The following DRC3 variants were observed in gnomAD, a reference collection of about 807,000 sequenced individuals.
DRC3 encodes the protein dynein regulatory complex subunit 3.
A neutral mutation model predicts 57.6 loss-of-function variants in DRC3; 45 were observed. That is an observed-to-expected ratio of 0.78 (90% CI 0.62 to 1.00). The LOEUF is 1.00. Ranked by LOEUF, DRC3 falls within the 50% of genes least tolerant of loss-of-function variation. The pLI is 0.00. For missense variants in DRC3, 655 were observed against 675.2 expected (o/e 0.97, Z 0.33); for synonymous variants, 257 against 272.3 (o/e 0.94, Z 0.55).
intron 9 of DRC3, among the ~76,000 whole-genome samples, chr17:18,002,421 A>G (rs1308416898): frequency 6.6e-6 from 1 of 152,210 alleles, no homozygotes; most frequent in Admixed American, 6.5e-5. Context: ...GTGGTAACCC[A>G]GGCCCTTTGC....
chr17:18,005,847 G>T, intron 10 of DRC3: 1 of 310,596 alleles, frequency 3.2e-6, no homozygotes, highest in Non-Finnish European at 6.2e-6. Flanking sequence ...ATGCACAGAT[G>T]TCACTGGGAA....
At chr17:17,998,686 C>A (rs544027493) in intron 9 of DRC3, among the ~76,000 whole-genome samples, 4 of 152,126 alleles carry the variant, frequency 2.6e-5, no homozygotes, top group Non-Finnish European at 5.9e-5. Context: ...GCCTCCCCAA[C>A]GGCCACCCCC....
In DRC3 at chr17:17,977,875, A is replaced by G; in HGVS notation, c.160+117A>G. 3 of 1,038,296 alleles carry G rather than the reference A, an allele frequency of 2.9e-6. No homozygotes were observed. In the South Asian group the frequency reaches 5.0e-5, roughly 17 times the overall value. The allele number at this position is 1,038,296 out of a possible 1,614,324, so 64.3% of individuals were successfully genotyped here. ...CCACGGTCGAGGTTCCCACATCAGC[A>G]TTAGGGCCTACCTGGGTTACAAGGC... On this transcript the variant is annotated intron_variant, in intron 3 of 13. Transcript: ENST00000399187.
At chr17:17,977,348 C>T (rs1344247203) in intron 2 of DRC3, 2 of 509,876 alleles carry the variant, frequency 3.9e-6, no homozygotes, top group South Asian at 2.1e-5. Context: ...CCAGCTGTGG[C>T]TGTAGGGTCA....
intron 9 of DRC3, among the ~76,000 whole-genome samples, chr17:18,000,603 G>C (rs56295638): frequency 3.3e-5 from 5 of 152,156 alleles, no homozygotes; most frequent in Non-Finnish European, 7.3e-5. Flanking sequence ...TTGACCTGCA[G>C]GATGAAGTCC....
chr17:17,983,063 C>T (rs914710047), intron 3 of DRC3, among the ~76,000 whole-genome samples: 2 of 152,206 alleles, frequency 1.3e-5, no homozygotes, highest in African/African-American at 4.8e-5. Flanking sequence ...ACTCTCCTGG[C>T]TGCCAGTGAC....
chr17:17,997,402 C>T (rs1293965150), intron 8 of DRC3, 58 bp from the exon 9 acceptor site: 20 of 1,559,258 alleles, frequency 1.3e-5, no homozygotes, highest in Admixed American at 7.3e-5. Context: ...AACACCTTGG[C>T]CGTGCCCTCC....
intron 10 of DRC3, 48 bp downstream of exon 10, chr17:18,004,542 G>C: frequency 6.3e-7 from 1 of 1,584,632 alleles, no homozygotes; most frequent in South Asian, 1.2e-5. Flanking sequence ...CGATGCAGCT[G>C]CACATCCATA....
In DRC3 at chr17:18,007,157, G is replaced by GCGGGCGGAGCATGTCGGGGC; in HGVS notation, c.1326+15_1326+16insGGAGCATGTCGGGGCCGGGC. ...TAACGACCTGCGCGCGGTAGGCGGGGCGGGCTGCTCGGAGCCTGACAGATG... is the reference window on the plus strand; with the variant it reads ...TAACGACCTGCGCGCGGTAGGCGGGGCGGGCGGAGCATGTCGGGGCCGGGCTGCTCGGAGCCTGACAGATG... On this transcript the variant is annotated intron_variant, in intron 12 of 13. Coordinates refer to ENST00000399187, the MANE Select transcript of DRC3 (RefSeq NM_031294.4). 1.1e-6 allele frequency: 1 copy of GCGGGCGGAGCATGTCGGGGC among 879,090 alleles called. No individual in the cohort carries two copies. The highest frequency in any genetic ancestry group is 1.6e-6 in the Non-Finnish European group (1 of 619,928). 54.5% of individuals were successfully genotyped at this position (879,090 alleles called of 1,614,324 possible).
intron 5 of DRC3, among the ~76,000 whole-genome samples, chr17:17,992,192 T>G (rs901515851): frequency 6.6e-6 from 1 of 152,104 alleles, no homozygotes; most frequent in African/African-American, 2.4e-5. Flanking sequence ...CGAGAATCAC[T>G]TGAACCCGGG....
chr17:18,016,043 T>C, intron 12 of DRC3, 21 bp from the exon 13 acceptor site: 4 of 1,612,258 alleles, frequency 2.5e-6, no homozygotes, highest in East Asian at 4.5e-5. Flanking sequence ...ACTTTCTCAT[T>C]GGATTCTTTT....
chr17:18,009,807 C>T (rs1336338102), intron 12 of DRC3, among the ~76,000 whole-genome samples: 1 of 152,232 alleles, frequency 6.6e-6, no homozygotes, highest in African/African-American at 2.4e-5. Context: ...TAAAACTCCA[C>T]TCATGCAGTT....
chr17:18,000,005 CCT>C (rs1163917068), intron 9 of DRC3, among the ~76,000 whole-genome samples: 11 of 150,460 alleles, frequency 7.3e-5, no homozygotes, highest in South Asian at 2.1e-4. Context: ...CATAGCATGC[CCT>C]GTTCTGTACT....
chr17:18,013,371 CAATAACAAG>C (rs879448389), intron 12 of DRC3, among the ~76,000 whole-genome samples: 3 of 152,084 alleles, frequency 2.0e-5, no homozygotes, highest in African/African-American at 4.8e-5. Context: ...GCACTGTTCG[CAATAACAAG>C]ATACAGAATC....
Position 18,016,789 on chromosome 17 carries a change from C to A in DRC3, c.*118C>A, listed in dbSNP as rs2044381567. The A allele has an allele frequency of 5.3e-6, 3 of 564,808 alleles. No individual in the cohort carries two copies. The highest frequency in any genetic ancestry group is 9.4e-6 in the Non-Finnish European group (3 of 320,412). The allele number at this position is 564,808 out of a possible 1,614,324, so 35.0% of individuals were successfully genotyped here. On this transcript the variant is annotated 3_prime_UTR_variant, in exon 14 of 14. Coordinates refer to ENST00000399187, the MANE Select transcript of DRC3 (RefSeq NM_031294.4). Reference sequence around the variant, plus strand: ...TTGCTGGGCATCTCTCAACCGCGATCCCCAACACCATTCTTCCCCCACCCC... The same window carrying A: ...TTGCTGGGCATCTCTCAACCGCGATACCCAACACCATTCTTCCCCCACCCC...
chr17:17,979,476 G>T lies in DRC3; in HGVS notation c.160+1718G>T, dbSNP rs1368949263. Among the ~76,000 whole-genome samples, 5 of 152,220 alleles carry T rather than the reference G, an allele frequency of 3.3e-5. No homozygotes were observed. In the South Asian group the frequency reaches 6.2e-4, roughly 19 times the overall value. The stretch of plus-strand genomic sequence containing the variant: ...CCAGTGAGTGATGACCACAGGCCTG[G>T]CCGAGGTGGTGGCCACAGGGGCAGA... On this transcript the variant is annotated intron_variant, in intron 3 of 13. Coordinates refer to ENST00000399187, the MANE Select transcript of DRC3 (RefSeq NM_031294.4).
In DRC3 at chr17:18,016,768, T is replaced by G; in HGVS notation, c.*97T>G. ...CTCACCCGCACCTCTAGAGAGTTGCTGGGCATCTCTCAACCGCGATCCCCA... is the reference window on the plus strand; with the variant it reads ...CTCACCCGCACCTCTAGAGAGTTGCGGGGCATCTCTCAACCGCGATCCCCA... On this transcript the variant is annotated 3_prime_UTR_variant, in exon 14 of 14. Coordinates refer to ENST00000399187, the MANE Select transcript of DRC3 (RefSeq NM_031294.4). The G allele has an allele frequency of 1.5e-6, 1 of 675,682 alleles. No homozygotes were observed. The highest frequency in any genetic ancestry group is 2.5e-6 in the Non-Finnish European group (1 of 397,864). 41.9% of individuals were successfully genotyped at this position (675,682 alleles called of 1,614,324 possible).
intron 9 of DRC3, among the ~76,000 whole-genome samples, chr17:17,999,089 G>C (rs1203358689): frequency 6.6e-6 from 1 of 152,172 alleles, no homozygotes; most frequent in Non-Finnish European, 1.5e-5. Context: ...CAGCTAGCTG[G>C]CTCTTCCTGA....
chr17:18,010,876 TC>T, intron 12 of DRC3: 1 of 360,034 alleles, frequency 2.8e-6, no homozygotes, highest in South Asian at 2.3e-5. Flanking sequence ...CTATCTCTTC[TC>T]CCCGCCCATC....
Sources: gnomAD v4.1 joint callset for allele counts (sites outside exome capture counted in the v4.1 genomes callset) on GRCh38, gnomAD v4.1.1 for gene constraint, MANE v1.5 for transcripts, NCBI Gene and HGNC (gene_info 2026-07-23, HGNC 2026-07-21) for gene names.